The following CDK14 variants were observed in gnomAD, a reference collection of about 807,000 sequenced individuals.
CDK14 encodes the protein cyclin-dependent kinase 14.
A neutral mutation model predicts 60.7 loss-of-function variants in CDK14; 34 were observed. That is an observed-to-expected ratio of 0.56 (90% confidence interval 0.43 to 0.75). The LOEUF (loss-of-function observed/expected upper bound fraction) is 0.75. Among genes scored for constraint, CDK14 ranks in the 30% least tolerant of loss-of-function variants. The pLI, the probability that CDK14 is intolerant of heterozygous loss-of-function variation, is 0.00. For missense variants in CDK14, 482 were observed against 564.1 expected (o/e 0.85, Z 1.47); for synonymous variants, 197 against 203.7 (o/e 0.97, Z 0.28).
At chr7:90,626,854 C>G (rs1281790302) in intron 2 of CDK14, among the ~76,000 whole-genome samples, 3 of 151,164 alleles carry the variant, frequency 2.0e-5, no homozygotes, top group African/African-American at 7.3e-5. Context: ...GTGGGACGAT[C>G]ACTTGAGCCC....
chr7:91,071,782 G>T (rs117861614), intron 11 of CDK14, among the ~76,000 whole-genome samples: 1 of 152,228 alleles, frequency 6.6e-6, no homozygotes. Flanking sequence ...GCGGGGTAAG[G>T]GCAGCAGCCA....
At chr7:91,134,915 G>A (rs564850291) in intron 14 of CDK14, among the ~76,000 whole-genome samples, 5 of 152,066 alleles carry the variant, frequency 3.3e-5, no homozygotes, top group Middle Eastern at 3.4e-3. Context: ...TTTTTGTTGT[G>A]TGTATATACA....
chr7:91,114,614 A>C (rs1228630061), intron 13 of CDK14, among the ~76,000 whole-genome samples: 1 of 152,224 alleles, frequency 6.6e-6, no homozygotes, highest in African/African-American at 2.4e-5. Context: ...AACGTTAAAC[A>C]TCAGGAGCAG....
chr7:91,060,946 T>C (rs987185066), intron 11 of CDK14, among the ~76,000 whole-genome samples: 1 of 152,222 alleles, frequency 6.6e-6, no homozygotes, highest in East Asian at 1.9e-4. Flanking sequence ...AATTTTGGCC[T>C]GCCTTGCTAG....
intron 8 of CDK14, among the ~76,000 whole-genome samples, chr7:90,945,378 G>A (rs1028011863): frequency 6.6e-6 from 1 of 152,172 alleles, no homozygotes; most frequent in Non-Finnish European, 1.5e-5. Context: ...CACAAATGGG[G>A]CAATTGAGGG....
At chr7:90,994,194 A>T (rs1420516149) in intron 10 of CDK14, among the ~76,000 whole-genome samples, 1 of 147,646 alleles carries the variant, frequency 6.8e-6, no homozygotes, top group Non-Finnish European at 1.5e-5. Flanking sequence ...TTGCAGACAC[A>T]TGGTAGCTGG....
At chr7:90,682,456 A>G (rs563060019) in intron 2 of CDK14, among the ~76,000 whole-genome samples, 1 of 152,312 alleles carries the variant, frequency 6.6e-6, no homozygotes, top group African/African-American at 2.4e-5. Context: ...GTAGACATAT[A>G]GTCTCTTTTT....
At chr7:91,119,130 A>G (rs1799705899) in intron 14 of CDK14, among the ~76,000 whole-genome samples, 1 of 152,174 alleles carries the variant, frequency 6.6e-6, no homozygotes, top group African/African-American at 2.4e-5. Context: ...ACTGTGGAGA[A>G]GGCTTTTTAT....
intron 7 of CDK14, among the ~76,000 whole-genome samples, chr7:90,916,976 G>C (rs1046208136): frequency 5.3e-5 from 8 of 152,172 alleles, no homozygotes; most frequent in African/African-American, 1.9e-4. Flanking sequence ...TCTGAAATTA[G>C]TGAAGGTGGT....
rs1404460283 is a variant in CDK14 at position 90,709,819 on chromosome 7, G to A, written c.124-16748G>A. Reference sequence around the variant, plus strand: ...CATCCCCCTCTCTTGGTTGTAGTACGGCCGTACCATTTCAGCTTGCTAGTG... The same window carrying A: ...CATCCCCCTCTCTTGGTTGTAGTACAGCCGTACCATTTCAGCTTGCTAGTG... On this transcript the variant is annotated intron_variant, in intron 2 of 14. Transcript: ENST00000380050. 26 of 1,415,486 alleles carry A rather than the reference G, an allele frequency of 1.8e-5. No individual in the cohort carries two copies. In the East Asian group the frequency reaches 2.4e-4, roughly 13 times the overall value. The allele number at this position is 1,415,486 out of a possible 1,614,324, so 87.7% of individuals were successfully genotyped here.
intron 4 of CDK14, among the ~76,000 whole-genome samples, chr7:90,757,274 T>TGTGTGTGTGTG (rs1804115312): frequency 7.4e-6 from 1 of 135,452 alleles, no homozygotes; most frequent in African/African-American, 2.5e-5. Flanking sequence ...GTGTCCAAGT[T>TGTGTGTGTGTG]TTCCCTTTCT....
At chr7:90,632,430 G>T in intron 2 of CDK14, 1 of 237,338 alleles carries the variant, frequency 4.2e-6, no homozygotes, top group East Asian at 1.1e-4. Context: ...TGGTTATCAT[G>T]GGTGTGGCGC....
intron 8 of CDK14, among the ~76,000 whole-genome samples, chr7:90,938,386 C>G (rs527540022): frequency 6.6e-6 from 1 of 152,324 alleles, no homozygotes; most frequent in African/African-American, 2.4e-5. Flanking sequence ...ATGCTACCTT[C>G]TGAACATGTG....
At position 90,726,575 on chromosome 7, in the gene CDK14, C is replaced by T. The variant is rs770216476; in HGVS notation, c.132C>T (p.Val44=). ...KDDTTFDEIC[V]TKMSTRNCQG... ...ATTTCTTCTTTTCTCAGATATGTGTCACAAAGATGTCTACACGGAACTGCC... is the reference window on the plus strand; with the variant it reads ...ATTTCTTCTTTTCTCAGATATGTGTTACAAAGATGTCTACACGGAACTGCC... Residue 44 remains valine (V), a synonymous_variant, in exon 3 of 15, where the codon GTC becomes GTT. Transcript: ENST00000380050. 1.2e-6 allele frequency: 2 copies of T among 1,613,040 alleles called. No individual in the cohort carries two copies. Among genetic ancestry groups the T allele is most frequent in the African/African-American group, 1.3e-5 (1 of 74,908 alleles).
chr7:90,620,965 A>G (rs1233347212), intron 2 of CDK14, among the ~76,000 whole-genome samples: 1 of 152,184 alleles, frequency 6.6e-6, no homozygotes, highest in Admixed American at 6.5e-5. Context: ...CTGGCAGAAA[A>G]GGAATGTCCA....
chr7:90,986,308 A>T (rs1795370576), intron 10 of CDK14, among the ~76,000 whole-genome samples: 2 of 152,060 alleles, frequency 1.3e-5, no homozygotes, highest in Non-Finnish European at 2.9e-5. Context: ...TCATCCTGTT[A>T]GTTAAGAATA....
chr7:91,019,647 C>A (rs1796387806), intron 10 of CDK14, among the ~76,000 whole-genome samples: 1 of 152,034 alleles, frequency 6.6e-6, no homozygotes, highest in Non-Finnish European at 1.5e-5. Flanking sequence ...CATATTTATG[C>A]ATTGGTTTTG....
chr7:90,712,979 C>T (rs550371951), intron 2 of CDK14, among the ~76,000 whole-genome samples: 2 of 137,796 alleles, frequency 1.5e-5, no homozygotes, highest in East Asian at 5.5e-4. Flanking sequence ...AACTCAGTCT[C>T]CTGCTGCCCG....
chr7:91,090,357 T>G (rs1322019471), intron 12 of CDK14, among the ~76,000 whole-genome samples: 1 of 152,210 alleles, frequency 6.6e-6, no homozygotes, highest in Non-Finnish European at 1.5e-5. Context: ...TCTTTATGCA[T>G]TGACAAGAAT....
Sources: gnomAD v4.1 joint callset for allele counts (sites outside exome capture counted in the v4.1 genomes callset) on GRCh38, gnomAD v4.1.1 for gene constraint, MANE v1.5 for transcripts, NCBI Gene and HGNC (gene_info 2026-07-23, HGNC 2026-07-21) for gene names.